The following EEFSEC variants were observed in gnomAD, a reference collection of about 807,000 sequenced individuals.
EEFSEC encodes selenocysteine-specific elongation factor.
Under a neutral mutation model 42.1 loss-of-function variants are expected in EEFSEC, and 43 were observed. That is an observed-to-expected ratio of 1.02 (90% CI 0.80 to 1.32). The LOEUF (loss-of-function observed/expected upper bound fraction) is 1.32, where lower values mean the gene tolerates loss of function less well. Among genes scored for constraint, EEFSEC ranks in the 40% most tolerant of loss-of-function variants. EEFSEC has a pLI of 0.00. For synonymous variants in EEFSEC, 354 were observed against 339.1 expected (o/e 1.04, Z -0.48); for missense variants, 745 against 803.6 (o/e 0.93, Z 0.88).
intron 1 of EEFSEC, among the ~76,000 whole-genome samples, chr3:128,232,775 G>A (rs1249679233): frequency 1.3e-5 from 2 of 152,152 alleles, no homozygotes; most frequent in Non-Finnish European, 2.9e-5. Context: ...ACTATGACAC[G>A]GTAGCTTAAA....
At chr3:128,419,360 G>A in the EEFSEC span, among the ~76,000 whole-genome samples, 2 of 152,262 alleles carry the variant, frequency 1.3e-5, no homozygotes, top group Non-Finnish European at 2.9e-5. Context: ...GGAAGTCTGA[G>A]TGTCCTGTGG....
intron 1 of EEFSEC, among the ~76,000 whole-genome samples, chr3:128,238,275 T>C (rs2066033504): frequency 6.6e-6 from 1 of 152,194 alleles, no homozygotes; most frequent in African/African-American, 2.4e-5. Context: ...AGACAGCTGC[T>C]CCTCAGCCAC....
At chr3:128,383,471 C>G (rs142194750) in intron 6 of EEFSEC, among the ~76,000 whole-genome samples, 2 of 152,338 alleles carry the variant, frequency 1.3e-5, no homozygotes, top group East Asian at 3.9e-4. Context: ...CAAACCTGTT[C>G]CCATGTTTCA....
chr3:128,166,241 A>G (rs2065241644), intron 1 of EEFSEC, among the ~76,000 whole-genome samples: 1 of 152,172 alleles, frequency 6.6e-6, no homozygotes, highest in Admixed American at 6.5e-5. Context: ...GCCCTTGCAG[A>G]GAGGGCTGAC....
the EEFSEC span, among the ~76,000 whole-genome samples, chr3:128,417,243 G>A: frequency 6.6e-6 from 1 of 152,028 alleles, no homozygotes; most frequent in African/African-American, 2.4e-5. The surrounding 1 kb of genome is among the most constrained non-coding windows in gnomAD (Gnocchi z 4.3). Flanking sequence ...ACCTTCCTCA[G>A]GGCAATTGCC....
In EEFSEC at chr3:128,350,590, C is replaced by CA. The variant is rs374047298; in HGVS notation, c.1444-7626dup. Among the ~76,000 whole-genome samples, 465 of 152,368 alleles carry CA rather than the reference C, an allele frequency of 3.1e-3. 1 individual carries two copies. Among genetic ancestry groups the CA allele is most frequent in the African/African-American group, 0.01 (431 of 41,584 alleles). ...CAGCGTTTCTTCTGACTTCCAGTAT[C>CA]AGGCTGTGATAGCTAAGTGTCTTGC... is the stretch of plus-strand genomic sequence containing the variant. On this transcript the variant is annotated intron_variant, in intron 5 of 6. Transcript: ENST00000254730.
chr3:128,192,702 A>G lies in EEFSEC; in HGVS notation c.316+38879A>G, dbSNP rs374721353. Among the ~76,000 whole-genome samples, 20 of 152,276 alleles carry G rather than the reference A, an allele frequency of 1.3e-4. No individual in the cohort carries two copies. In the East Asian group the frequency reaches 3.7e-3, roughly 28 times the overall value. On this transcript the variant is annotated intron_variant, in intron 1 of 6. Coordinates refer to ENST00000254730, the MANE Select transcript of EEFSEC (RefSeq NM_021937.5). ...TAACTCTTTCCACAGTATTTGTTGG[A>G]CACCTGTGATACTGGAAGGAGGAGC...
intron 5 of EEFSEC, among the ~76,000 whole-genome samples, chr3:128,344,021 C>A (rs2067284767): frequency 6.6e-6 from 1 of 152,192 alleles, no homozygotes; most frequent in South Asian, 2.1e-4. Context: ...GGGCTTTGGT[C>A]GAGGAAGAAG....
At chr3:128,184,263 C>T (rs1419756869) in intron 1 of EEFSEC, among the ~76,000 whole-genome samples, 1 of 152,154 alleles carries the variant, frequency 6.6e-6, no homozygotes. Flanking sequence ...TATTGTAGTG[C>T]AACCATCACT....
chr3:128,219,013 A>G (rs2065837458), intron 1 of EEFSEC, among the ~76,000 whole-genome samples: 1 of 152,154 alleles, frequency 6.6e-6, no homozygotes, highest in African/African-American at 2.4e-5. Context: ...CAGTGGGGAG[A>G]TGGACCTTGG....
chr3:128,289,110 T>C (rs2066616504), intron 4 of EEFSEC, among the ~76,000 whole-genome samples: 4 of 152,184 alleles, frequency 2.6e-5, no homozygotes, highest in Admixed American at 2.6e-4. Context: ...GTCTGCACAT[T>C]TTCCCACCTG....
chr3:128,168,710 G>A (rs1018463188), intron 1 of EEFSEC, among the ~76,000 whole-genome samples: 1 of 152,242 alleles, frequency 6.6e-6, no homozygotes, highest in African/African-American at 2.4e-5. Context: ...GTTGTCATGG[G>A]TGTGCAGTGT....
At chr3:128,306,570 ATTC>A (rs2066829615) in intron 4 of EEFSEC, among the ~76,000 whole-genome samples, 1 of 152,034 alleles carries the variant, frequency 6.6e-6, no homozygotes, top group Non-Finnish European at 1.5e-5. Context: ...TTTAGATGTG[ATTC>A]TTGTTTACAA....
At chr3:128,396,816 G>A (rs1459646947) in intron 6 of EEFSEC, among the ~76,000 whole-genome samples, 2 of 152,252 alleles carry the variant, frequency 1.3e-5, no homozygotes, top group African/African-American at 4.8e-5. Context: ...AACATTAGCT[G>A]TGATTGCTAC....
intron 2 of EEFSEC, among the ~76,000 whole-genome samples, chr3:128,260,467 C>T (rs1188753287): frequency 6.6e-6 from 1 of 152,196 alleles, no homozygotes; most frequent in South Asian, 2.1e-4. Flanking sequence ...ACAATTGCCT[C>T]TGATTATTTT....
intron 1 of EEFSEC, among the ~76,000 whole-genome samples, chr3:128,198,242 G>C (rs553386731): frequency 6.6e-6 from 1 of 152,320 alleles, no homozygotes; most frequent in South Asian, 2.1e-4. Flanking sequence ...CTCTGGAGTG[G>C]AGTGCCTCCG....
At chr3:128,376,364 A>G (rs917254461) in intron 6 of EEFSEC, among the ~76,000 whole-genome samples, 3 of 152,176 alleles carry the variant, frequency 2.0e-5, no homozygotes, top group Admixed American at 6.5e-5. Context: ...TGGCCTTACC[A>G]TCATCATCAC....
intron 1 of EEFSEC, among the ~76,000 whole-genome samples, chr3:128,200,121 G>A (rs1317952429): frequency 6.6e-6 from 1 of 152,106 alleles, no homozygotes; most frequent in East Asian, 1.9e-4. Flanking sequence ...ACGACTTTCT[G>A]TGCCTGACAC....
chr3:128,179,964 G>T (rs1576522715), intron 1 of EEFSEC, among the ~76,000 whole-genome samples: 1 of 152,060 alleles, frequency 6.6e-6, no homozygotes, highest in Non-Finnish European at 1.5e-5. Flanking sequence ...ATTCATGTTT[G>T]TGAGTGACCA....
Sources: gnomAD v4.1 joint callset for allele counts (sites outside exome capture counted in the v4.1 genomes callset) on GRCh38, gnomAD v4.1.1 for gene constraint, Gnocchi (gnomAD v3.1) non-coding constraint, MANE v1.5 for transcripts, NCBI Gene and HGNC (gene_info 2026-07-23, HGNC 2026-07-21) for gene names.